UGT1A7: variants seen among roughly 807,000 people sequenced by gnomAD.
UGT1A7 encodes UDP glucuronosyltransferase family 1 member A7.
Under a neutral mutation model 45.6 loss-of-function variants are expected in UGT1A7, and 33 were observed. The ratio of observed to expected loss-of-function variants is 0.72; its 90% CI spans 0.55 to 0.97. UGT1A7 has a LOEUF of 0.97. Ranked by LOEUF, UGT1A7 falls within the 50% of genes least tolerant of loss-of-function variation. The probability of loss-of-function intolerance (pLI) is 0.00; values close to 1 mark genes in which losing one functional copy is unlikely to be tolerated. For synonymous variants in UGT1A7, 274 were observed against 250.6 expected (o/e 1.09, Z -0.88); for missense variants, 684 against 666.2 (o/e 1.03, Z -0.29).
intron 1 of UGT1A7, chr2:233,747,078 A>G (rs1246065129): frequency 1.2e-5 from 13 of 1,085,828 alleles, no homozygotes; most frequent in Admixed American, 7.9e-5. Context: ...ATAATTAACT[A>G]GGAGGAGAGC....
intron 1 of UGT1A7, among the ~76,000 whole-genome samples, chr2:233,720,850 C>A (rs2076896670): frequency 6.6e-6 from 1 of 150,800 alleles, no homozygotes; most frequent in African/African-American, 2.5e-5. Context: ...GGACTGCAGG[C>A]ATGTGCCACT....
chr2:233,700,655 T>G (rs1207432323), intron 1 of UGT1A7, among the ~76,000 whole-genome samples: 1 of 152,198 alleles, frequency 6.6e-6, no homozygotes, highest in African/African-American at 2.4e-5. Flanking sequence ...TTTACATATT[T>G]CTACTTTTCA....
intron 1 of UGT1A7, among the ~76,000 whole-genome samples, chr2:233,705,399 C>T (rs2075845661): frequency 6.6e-6 from 1 of 152,166 alleles, no homozygotes; most frequent in African/African-American, 2.4e-5. Flanking sequence ...TGATACTCAT[C>T]AGAGACTTGT....
Position 233,769,443 on chromosome 2 carries a change from G to T in UGT1A7, c.1295+1004G>T. 1.3e-6 allele frequency: 2 copies of T among 1,564,916 alleles called. No homozygotes were observed. The highest frequency in any genetic ancestry group is 1.8e-6 in the Non-Finnish European group (2 of 1,139,736). On this transcript the variant is annotated intron_variant, in intron 4 of 4. Coordinates refer to ENST00000373426, the MANE Select transcript of UGT1A7 (RefSeq NM_019077.3). This position sits in a 1 kb window ranked among gnomAD's most constrained non-coding sequence, Gnocchi z 4.4. The stretch of plus-strand genomic sequence containing the variant: ...CATGTGGCTGTGCTCATGTGTGGGT[G>T]CACACGTGTGCATTCATATGCGTGT...
At chr2:233,725,435 A>G (rs1455918541) in intron 1 of UGT1A7, among the ~76,000 whole-genome samples, 2 of 151,954 alleles carry the variant, frequency 1.3e-5, no homozygotes, top group Non-Finnish European at 2.9e-5. Context: ...AATATAATGT[A>G]AGCCACATAC....
At chr2:233,725,001 G>A (rs1276972399) in intron 1 of UGT1A7, among the ~76,000 whole-genome samples, 4 of 134,004 alleles carry the variant, frequency 3.0e-5, no homozygotes, top group Non-Finnish European at 6.0e-5. Context: ...GCTGGAGACC[G>A]GCCCGGCCAA....
chr2:233,737,052 A>T (rs1559381224), intron 1 of UGT1A7, among the ~76,000 whole-genome samples: 1 of 152,244 alleles, frequency 6.6e-6, no homozygotes, highest in Non-Finnish European at 1.5e-5. Flanking sequence ...CCATACTAGG[A>T]GAACGAGTGC....
intron 1 of UGT1A7, among the ~76,000 whole-genome samples, chr2:233,745,757 G>C (rs1464205566): frequency 6.7e-6 from 1 of 150,374 alleles, no homozygotes; most frequent in Non-Finnish European, 1.5e-5. Context: ...AGCAGAAGGG[G>C]TGGAGAGGAG....
intron 1 of UGT1A7, among the ~76,000 whole-genome samples, chr2:233,699,179 A>ACTT (rs765566665): frequency 6.6e-6 from 1 of 151,668 alleles, no homozygotes; most frequent in Non-Finnish European, 1.5e-5. Context: ...TCTGATCCTC[A>ACTT]CTTCTTCTTC....
chr2:233,765,443 C>A (rs1381375490), intron 1 of UGT1A7, among the ~76,000 whole-genome samples: 1 of 152,114 alleles, frequency 6.6e-6, no homozygotes, highest in Non-Finnish European at 1.5e-5. Flanking sequence ...GGAATGAGAT[C>A]ATATTCTTTG....
intron 1 of UGT1A7, chr2:233,747,274 A>G: frequency 6.3e-7 from 1 of 1,599,206 alleles, no homozygotes; most frequent in Admixed American, 1.7e-5. Flanking sequence ...ACTCCTTCTC[A>G]GTGCCCAGCC....
At chr2:233,766,269 TCGG>T (rs1349388778) in intron 1 of UGT1A7, among the ~76,000 whole-genome samples, 29 of 67,888 alleles carry the variant, frequency 4.3e-4, no homozygotes, top group Admixed American at 8.2e-4. Context: ...TGGCCCGGGC[TCGG>T]TGGCCCGGGC....
rs1700539683 is a variant in UGT1A7 at position 233,772,631 on chromosome 2, T to C, written c.*72T>C. ...TTTCCAAACTTGAAAACAGAATCAG[T>C]GTTAAATTCATTTTATTCTTATTAA... On this transcript the variant is annotated 3_prime_UTR_variant, in exon 5 of 5. Coordinates refer to ENST00000373426, the MANE Select transcript of UGT1A7 (RefSeq NM_019077.3). 1.2e-5 allele frequency: 19 copies of C among 1,558,348 alleles called. No individual in the cohort carries two copies. The South Asian group carries it at 2.2e-4, about 18-fold the overall frequency.
chr2:233,716,591 A>G (rs766346960), intron 1 of UGT1A7, among the ~76,000 whole-genome samples: 5 of 152,152 alleles, frequency 3.3e-5, no homozygotes, highest in Non-Finnish European at 7.4e-5. Context: ...CAAAGAGCAA[A>G]AATTTTAGAA....
rs754213125 is a variant in UGT1A7 at position 233,761,125 on chromosome 2, T to G, written c.856-5909T>G. ...TATGGTTTTTGTTGGTGGAATCAAC[T>G]GCCTTCACCAAAATCCACTATCCCA... On this transcript the variant is annotated intron_variant, in intron 1 of 4. Transcript: ENST00000373426. 1.1e-5 allele frequency: 17 copies of G among 1,614,134 alleles called. No homozygotes were observed. Among genetic ancestry groups the G allele is most frequent in the Middle Eastern group, 1.6e-4 (1 of 6,084 alleles).
chr2:233,745,046 G>T (rs1021131728), intron 1 of UGT1A7, among the ~76,000 whole-genome samples: 1 of 151,780 alleles, frequency 6.6e-6, no homozygotes, highest in African/African-American at 2.4e-5. Flanking sequence ...TACAGTATTG[G>T]TTTTTTATTT....
intron 1 of UGT1A7, among the ~76,000 whole-genome samples, chr2:233,752,060 G>T (rs1330346161): frequency 6.6e-6 from 1 of 152,256 alleles, no homozygotes; most frequent in East Asian, 1.9e-4. Context: ...ATGATTTCCC[G>T]AGATGGGGAA....
At chr2:233,712,285 C>A (rs1006045038) in intron 1 of UGT1A7, among the ~76,000 whole-genome samples, 14 of 152,370 alleles carry the variant, frequency 9.2e-5, no homozygotes, top group Middle Eastern at 3.4e-3. Flanking sequence ...AGCACCTCTT[C>A]TTCCATGGTG....
rs1433433254 is a variant in UGT1A7 at position 233,729,616 on chromosome 2, T to A, written c.856-37418T>A. On this transcript the variant is annotated intron_variant, in intron 1 of 4. Coordinates refer to ENST00000373426, the MANE Select transcript of UGT1A7 (RefSeq NM_019077.3). ...CCTCTGCGCGGCAGTGCTGGCTAAG[T>A]ACCTGTCGATTCCTACTGTGTTTTT... 3 of 1,614,044 alleles carry A rather than the reference T, an allele frequency of 1.9e-6. No homozygotes were observed. The Admixed American group carries it at 5.0e-5, about 27-fold the overall frequency.
Sources: gnomAD v4.1 joint callset for allele counts (sites outside exome capture counted in the v4.1 genomes callset) on GRCh38, gnomAD v4.1.1 for gene constraint, Gnocchi (gnomAD v3.1) non-coding constraint, MANE v1.5 for transcripts, NCBI Gene and HGNC (gene_info 2026-07-23, HGNC 2026-07-21) for gene names.